GABRA4: variants seen among roughly 807,000 people sequenced by gnomAD.
GABRA4 encodes the protein gamma-aminobutyric acid receptor subunit alpha-4.
GABRA4 carries 12 observed loss-of-function variants against 49.7 expected under a neutral mutation model. The observed-to-expected ratio is 0.24, with a 90% CI of 0.15 to 0.39. The LOEUF (loss-of-function observed/expected upper bound fraction) is 0.39, where lower values mean the gene tolerates loss of function less well. Ranked by LOEUF, GABRA4 falls within the 10% of genes least tolerant of loss-of-function variation. The pLI is 1.00. For missense variants in GABRA4, 506 were observed against 686.0 expected (o/e 0.74, Z 2.93); for synonymous variants, 288 against 240.2 (o/e 1.20, Z -1.84).
chr4:46,951,193 C>T (rs1722160826), intron 8 of GABRA4, among the ~76,000 whole-genome samples: 1 of 151,744 alleles, frequency 6.6e-6, no homozygotes. Flanking sequence ...CTATATGTGA[C>T]CCTCAAAAAG....
intron 8 of GABRA4, among the ~76,000 whole-genome samples, chr4:46,963,700 A>C (rs1348094501): frequency 6.6e-6 from 1 of 151,840 alleles, no homozygotes; most frequent in Non-Finnish European, 1.5e-5. Context: ...GATATAGGTA[A>C]AGGTGCTCAA....
intron 2 of GABRA4, among the ~76,000 whole-genome samples, chr4:46,990,916 C>T (rs112004707): frequency 1.5e-4 from 23 of 152,216 alleles, no homozygotes; most frequent in African/African-American, 2.4e-4. Flanking sequence ...GCGCGGCTCA[C>T]GCCTATAATC....
Position 46,965,142 on chromosome 4 carries a change from C to A in GABRA4, c.962G>T (p.Trp321Leu). ...PKVSYATAMD[W>L]FIAVCFAFVF... is the part of the protein sequence containing the mutation. ...AAAAGCAAAGCAGACAGCTATGAAC[C>A]AGTCCATGGCGGTAGCATAGGACAC... is the stretch of plus-strand genomic sequence containing the variant. Residue 321 changes from tryptophan (W) to leucine (L), a missense_variant, in exon 8 of 9, where the codon TGG becomes TTG. This residue lies in a region of GABRA4 where 33 missense variants were observed against 102.5 expected (regional missense o/e 0.32). Transcript: ENST00000264318. The A allele has an allele frequency of 6.2e-7, 1 of 1,611,830 alleles. No individual in the cohort carries two copies. The highest frequency in any genetic ancestry group is 1.1e-5 in the South Asian group (1 of 90,936).
chr4:46,942,942 C>A (rs10025379), intron 8 of GABRA4, among the ~76,000 whole-genome samples: 3 of 151,884 alleles, frequency 2.0e-5, no homozygotes, highest in African/African-American at 7.3e-5. Context: ...AACATCTAGA[C>A]GCATATAGCC....
intron 2 of GABRA4, among the ~76,000 whole-genome samples, chr4:46,985,399 T>C (rs1468783101): frequency 4.6e-5 from 7 of 151,914 alleles, no homozygotes; most frequent in Admixed American, 1.3e-4. Flanking sequence ...GGTATGTTTA[T>C]TATATTTTAA....
intron 8 of GABRA4, among the ~76,000 whole-genome samples, chr4:46,944,104 A>C (rs1423473915): frequency 6.6e-6 from 1 of 152,124 alleles, no homozygotes; most frequent in Non-Finnish European, 1.5e-5. Context: ...TATACTATAA[A>C]TTTGCACGAA....
At chr4:46,951,093 G>C (rs985358375) in intron 8 of GABRA4, among the ~76,000 whole-genome samples, 1 of 151,940 alleles carries the variant, frequency 6.6e-6, no homozygotes, top group African/African-American at 2.4e-5. Flanking sequence ...TACAGGAATA[G>C]CACTTGCTTC....
At chr4:46,943,104 A>G (rs999758227) in intron 8 of GABRA4, among the ~76,000 whole-genome samples, 1 of 152,128 alleles carries the variant, frequency 6.6e-6, no homozygotes, top group African/African-American at 2.4e-5. Flanking sequence ...AGACCAGCCC[A>G]AAGTTCTTAC....
At chr4:46,973,420 G>T (rs1291421149) in intron 6 of GABRA4, among the ~76,000 whole-genome samples, 1 of 151,716 alleles carries the variant, frequency 6.6e-6, no homozygotes, top group Non-Finnish European at 1.5e-5. Context: ...TTCTGTGAAC[G>T]AAGAAATGGG....
At position 46,965,246 on chromosome 4, in the gene GABRA4, CA is replaced by C. The variant is rs781275741; in HGVS notation, c.875-18del. The C allele has an allele frequency of 1.4e-6, 2 of 1,412,020 alleles. No homozygotes were observed. Among genetic ancestry groups the C allele is most frequent in the South Asian group, 1.8e-5 (1 of 54,338 alleles). The allele number at this position is 1,412,020 out of a possible 1,614,324, so 87.5% of individuals were successfully genotyped here. ...TTGTTATTCCTTCAAAGCAAAAGAG[CA>C]GAGAGACAAAACACCTTACCATCAT... On this transcript the variant is annotated intron_variant, in intron 7 of 8. Coordinates refer to ENST00000264318, the MANE Select transcript of GABRA4 (RefSeq NM_000809.4).
At chr4:46,991,042 C>A (rs1247318289) in intron 2 of GABRA4, among the ~76,000 whole-genome samples, 1 of 152,048 alleles carries the variant, frequency 6.6e-6, no homozygotes, top group Non-Finnish European at 1.5e-5. Context: ...AAAAATTAGC[C>A]AGGTGTGGTG....
chr4:46,944,797 C>T (rs760426507), intron 8 of GABRA4, among the ~76,000 whole-genome samples: 6 of 152,020 alleles, frequency 3.9e-5, no homozygotes, highest in Admixed American at 2.0e-4. Flanking sequence ...ATCTTCACAC[C>T]GCATCCTAAT....
At chr4:46,974,141 G>GA (rs1016603252) in intron 6 of GABRA4, 91 bp downstream of exon 6, 4 of 1,331,672 alleles carry the variant, frequency 3.0e-6, no homozygotes, top group African/African-American at 2.9e-5. Flanking sequence ...TTGTTCTCCT[G>GA]AAAAAATTAA....
Position 46,993,377 on chromosome 4 carries a change from G to T in GABRA4, c.48C>A (p.Val16=). 1 of 1,614,218 alleles carries T rather than the reference G, an allele frequency of 6.2e-7. No homozygotes were observed. Among genetic ancestry groups the T allele is most frequent in the Non-Finnish European group, 8.5e-7 (1 of 1,180,036 alleles). Residue 16 remains valine (V), a synonymous_variant, in exon 1 of 9, where the codon GTC becomes GTA. Transcript: ENST00000264318. The part of the protein sequence containing the change: ...KVPAIALSAG[V]SFALLRFLCL... ...ACAGGAAGCGCAGGAGGGCGAAACT[G>T]ACCCCGGCGGACAGAGCGATCGCGG... is the stretch of plus-strand genomic sequence containing the variant.
At position 46,925,751 on chromosome 4, in the gene GABRA4, TATTATTATCATC is replaced by T. The variant is rs1164775460; in HGVS notation, c.*2462_*2473del. 2.1e-4 allele frequency: 26 copies of T among 126,080 alleles called. No homozygotes were observed. Among genetic ancestry groups the T allele is most frequent in the Admixed American group, 1.5e-3 (18 of 12,054 alleles). 7.8% of individuals were successfully genotyped at this position (126,080 alleles called of 1,614,324 possible). A position where few individuals can be genotyped will look rare whatever the true frequency, so the allele number is the denominator to read the frequency against. ...TTATTATTATTATTATTATTATTATTATTATTATCATCATTATTATCATTGTGTGCAAATGAA... is the reference window on the plus strand; with the variant it reads ...TTATTATTATTATTATTATTATTATTATTATTATCATTGTGTGCAAATGAA... On this transcript the variant is annotated 3_prime_UTR_variant, in exon 9 of 9. Coordinates refer to ENST00000264318, the MANE Select transcript of GABRA4 (RefSeq NM_000809.4).
At chr4:46,938,353 T>C (rs1721670131) in intron 8 of GABRA4, among the ~76,000 whole-genome samples, 1 of 152,136 alleles carries the variant, frequency 6.6e-6, no homozygotes, top group African/African-American at 2.4e-5. Flanking sequence ...TTCAAGTCCA[T>C]GCCAATCCTA....
chr4:46,959,624 G>T (rs146844727), intron 8 of GABRA4, among the ~76,000 whole-genome samples: 1 of 151,536 alleles, frequency 6.6e-6, no homozygotes, highest in African/African-American at 2.4e-5. Flanking sequence ...ATGTTTCAGG[G>T]AGCCCATGGA....
intron 8 of GABRA4, among the ~76,000 whole-genome samples, chr4:46,960,598 A>G (rs528037425): frequency 2.6e-5 from 4 of 151,848 alleles, no homozygotes; most frequent in South Asian, 4.1e-4. Flanking sequence ...CAAAAATCCC[A>G]TTTGAAAATA....
intron 1 of GABRA4, 77 bp from the exon 2 acceptor site, chr4:46,993,023 T>G (rs1280155099): frequency 8.7e-7 from 1 of 1,151,432 alleles, no homozygotes; most frequent in Non-Finnish European, 1.3e-6. Flanking sequence ...GCAAACAGGT[T>G]TGTTTTCTAG....
Sources: allele counts gnomAD v4.1 joint callset (sites outside exome capture counted in the v4.1 genomes callset), GRCh38; gene constraint gnomAD v4.1.1; regional missense constraint gnomAD v4.1.1; transcripts MANE v1.5; gene names NCBI Gene and HGNC (gene_info 2026-07-23, HGNC 2026-07-21).